PAX2: variants seen among roughly 807,000 people sequenced by gnomAD.
PAX2 encodes the protein paired box protein Pax-2.
PAX2 carries 9 observed loss-of-function variants against 41.7 expected under a neutral mutation model. The observed-to-expected ratio is 0.22, with a 90% CI of 0.13 to 0.38. PAX2 has a LOEUF of 0.38. Among genes scored for constraint, PAX2 ranks in the 10% least tolerant of loss-of-function variants. The pLI, the probability that PAX2 is intolerant of heterozygous loss-of-function variation, is 1.00. For missense variants in PAX2, 418 were observed against 531.6 expected (o/e 0.79, Z 2.10); for synonymous variants, 221 against 212.7 (o/e 1.04, Z -0.34).
At chr10:100,784,599 C>G (rs567424325) in intron 5 of PAX2, among the ~76,000 whole-genome samples, 4 of 152,306 alleles carry the variant, frequency 2.6e-5, no homozygotes, top group East Asian at 3.9e-4. Context: ...AACAATGTCA[C>G]GGTGATGGGC....
intron 7 of PAX2, among the ~76,000 whole-genome samples, chr10:100,810,283 G>A (rs1019642208): frequency 6.6e-6 from 1 of 152,216 alleles, no homozygotes; most frequent in African/African-American, 2.4e-5. Flanking sequence ...GAGTGCGGCT[G>A]CATTTGAGCC....
chr10:100,779,692 C>T, intron 4 of PAX2, 109 bp downstream of exon 4: 1 of 824,878 alleles, frequency 1.2e-6, no homozygotes, highest in Non-Finnish European at 2.1e-6. Context: ...AGAGCCCAAC[C>T]TATTTGCCAA....
intron 3 of PAX2, among the ~76,000 whole-genome samples, chr10:100,761,387 A>C: frequency 6.6e-6 from 1 of 151,994 alleles, no homozygotes; most frequent in Non-Finnish European, 1.5e-5. Flanking sequence ...GTTTCCTCTG[A>C]ACTTGGCTCT....
rs539954066 is a variant in PAX2 at position 100,784,717 on chromosome 10, A to G, written c.616+3352A>G. 2.8e-4 allele frequency among the ~76,000 whole-genome samples: 42 copies of G among 152,252 alleles called. No individual in the cohort carries two copies. The South Asian group carries it at 8.3e-3, about 30-fold the overall frequency. On this transcript the variant is annotated intron_variant, in intron 5 of 9. Transcript: ENST00000355243. Reference sequence around the variant, plus strand: ...TGCCCAGAACATTATTGGCACTGGCACTCGGAATATGGACAGTGTTATTAG... The same window carrying G: ...TGCCCAGAACATTATTGGCACTGGCGCTCGGAATATGGACAGTGTTATTAG...
chr10:100,796,336 A>G (rs1337797124), intron 5 of PAX2, among the ~76,000 whole-genome samples: 1 of 152,180 alleles, frequency 6.6e-6, no homozygotes. Context: ...TTTTCACCTA[A>G]CATTACTTAA....
intron 3 of PAX2, among the ~76,000 whole-genome samples, chr10:100,771,710 A>G (rs1846215579): frequency 1.3e-5 from 2 of 152,310 alleles, no homozygotes; most frequent in African/African-American, 4.8e-5. Flanking sequence ...GGGCCAAGCC[A>G]TGGATACGTG....
chr10:100,750,049 G>A lies in PAX2; in HGVS notation c.212+135G>A. On this transcript the variant is annotated intron_variant, in intron 2 of 9. Transcript: ENST00000355243. The surrounding 1 kb of genome is among the most constrained non-coding windows in gnomAD (Gnocchi z 4.1). ...GAGATCCCCAAAGGGGTCTGGAGAG[G>A]TGCTCCTTTTGGAGAGAGTGTTCAG... 1.9e-6 allele frequency: 2 copies of A among 1,048,216 alleles called. No homozygotes were observed. Among genetic ancestry groups the A allele is most frequent in the South Asian group, 1.5e-5 (1 of 65,292 alleles). The allele number at this position is 1,048,216 out of a possible 1,614,324, so 64.9% of individuals were successfully genotyped here. A position where few individuals can be genotyped will look rare whatever the true frequency, so the allele number is the denominator to read the frequency against.
At chr10:100,739,199 G>A (rs1209966426) in intron 1 of PAX2, among the ~76,000 whole-genome samples, 1 of 152,110 alleles carries the variant, frequency 6.6e-6, no homozygotes, top group Non-Finnish European at 1.5e-5. Context: ...CGGGTCCCAC[G>A]ACGCCCCTTT....
upstream of PAX2, among the ~76,000 whole-genome samples, chr10:100,743,291 T>C (rs1845033467): frequency 6.6e-6 from 1 of 152,168 alleles, no homozygotes; most frequent in Non-Finnish European, 1.5e-5. Flanking sequence ...GCGCATTAAG[T>C]CCCCTTCTCT....
At position 100,808,668 on chromosome 10, in the gene PAX2, G is replaced by A. The variant is rs138636512; in HGVS notation, c.793-442G>A. On this transcript the variant is annotated intron_variant, in intron 6 of 9. Transcript: ENST00000355243. ...CATTGTTTGTTTTTAAAAAAGGGGC[G>A]CCCATACCCGATCAGCCAGCAGTGC... Among the ~76,000 whole-genome samples, 301 of 152,072 alleles carry A rather than the reference G, an allele frequency of 2.0e-3. 8 individuals are homozygous for A. The East Asian group carries it at 0.056, about 28-fold the overall frequency.
At chr10:100,799,942 C>G (rs1183667445) in intron 5 of PAX2, among the ~76,000 whole-genome samples, 1 of 151,964 alleles carries the variant, frequency 6.6e-6, no homozygotes, top group Admixed American at 6.6e-5. Flanking sequence ...CCCACCACTA[C>G]ACCCAGCTAA....
intron 7 of PAX2, among the ~76,000 whole-genome samples, chr10:100,819,963 C>T (rs1272075358): frequency 6.6e-6 from 1 of 152,206 alleles, no homozygotes; most frequent in East Asian, 1.9e-4. Context: ...GCTTTAGAAT[C>T]TTCAGGGACT....
chr10:100,764,067 G>A (rs1387619769), intron 3 of PAX2, among the ~76,000 whole-genome samples: 1 of 151,236 alleles, frequency 6.6e-6, no homozygotes, highest in Non-Finnish European at 1.5e-5. Context: ...TAATAATCAA[G>A]TCTGTATTTC....
chr10:100,823,098 G>A (rs957251111), intron 7 of PAX2, among the ~76,000 whole-genome samples: 11 of 152,178 alleles, frequency 7.2e-5, no homozygotes, highest in African/African-American at 2.4e-4. Context: ...TTGAGCAGAT[G>A]TAACAGACAT....
chr10:100,815,364 A>G (rs1564742084), intron 7 of PAX2, among the ~76,000 whole-genome samples: 1 of 152,084 alleles, frequency 6.6e-6, no homozygotes. Context: ...CCTTGAAAGG[A>G]GAGGGCTAAG....
At chr10:100,820,447 G>A (rs1198250348) in intron 7 of PAX2, among the ~76,000 whole-genome samples, 1 of 152,126 alleles carries the variant, frequency 6.6e-6, no homozygotes, top group South Asian at 2.1e-4. Flanking sequence ...GGCCAGGCGC[G>A]GTGGCTTATG....
intron 6 of PAX2, among the ~76,000 whole-genome samples, chr10:100,807,845 A>G (rs1214191606): frequency 6.6e-6 from 1 of 152,228 alleles, no homozygotes; most frequent in Non-Finnish European, 1.5e-5. Flanking sequence ...TGAACGCTGT[A>G]GTTCCACTCT....
At chr10:100,778,808 A>G (rs991269938) in intron 3 of PAX2, among the ~76,000 whole-genome samples, 2 of 152,186 alleles carry the variant, frequency 1.3e-5, no homozygotes, top group Non-Finnish European at 1.5e-5. Context: ...TAAGAACCTC[A>G]GAAAAGGAGG....
chr10:100,758,119 A>G (rs1216709753), intron 3 of PAX2, among the ~76,000 whole-genome samples: 1 of 151,164 alleles, frequency 6.6e-6, no homozygotes, highest in Non-Finnish European at 1.5e-5. Flanking sequence ...AGAGCAGGGC[A>G]GGGGGAGCGA....
Sources: gnomAD v4.1 joint callset for allele counts (sites outside exome capture counted in the v4.1 genomes callset) on GRCh38, gnomAD v4.1.1 for gene constraint, Gnocchi (gnomAD v3.1) non-coding constraint, MANE v1.5 for transcripts, NCBI Gene and HGNC (gene_info 2026-07-23, HGNC 2026-07-21) for gene names.